SENP7: variants seen among roughly 807,000 people sequenced by gnomAD.
SENP7 encodes SUMO specific peptidase 7.
Under a neutral mutation model 141.2 loss-of-function variants are expected in SENP7, and 64 were observed. The observed-to-expected ratio is 0.45, with a 90% confidence interval of 0.37 to 0.56. The LOEUF (loss-of-function observed/expected upper bound fraction) is 0.56. Among genes scored for constraint, SENP7 ranks in the 20% least tolerant of loss-of-function variants. The pLI, the probability that SENP7 is intolerant of heterozygous loss-of-function variation, is 0.00. For synonymous variants in SENP7, 382 were observed against 426.4 expected (o/e 0.90, Z 1.28); for missense variants, 1,025 against 1,212.2 (o/e 0.85, Z 2.29).
In SENP7 at chr3:101,334,414, GA is replaced by G. The variant is rs35104502; in HGVS notation, c.2481-1553del. Among the ~76,000 whole-genome samples the G allele has an allele frequency of 2.1e-3, 313 of 146,452 alleles. 1 individual carries two copies. The highest frequency in any genetic ancestry group is 6.6e-3 in the African/African-American group (263 of 40,072). ...CCCTTGGATGGAACTCTTATTGCAGGAAAAAAAAAAGGCAAACCATTACATT... is the reference window on the plus strand; with the variant it reads ...CCCTTGGATGGAACTCTTATTGCAGGAAAAAAAAAGGCAAACCATTACATT... On this transcript the variant is annotated intron_variant, in intron 17 of 23. Transcript: ENST00000394095.
chr3:101,500,905 G>A (rs539445631), intron 2 of SENP7, among the ~76,000 whole-genome samples, 165 bp downstream of exon 2: 2 of 152,276 alleles, frequency 1.3e-5, no homozygotes, highest in Admixed American at 1.3e-4. Context: ...TGGTAGAAAA[G>A]TCTCCTGGTT....
At chr3:101,505,946 ACT>A (rs1040281855) in intron 1 of SENP7, among the ~76,000 whole-genome samples, 1 of 151,254 alleles carries the variant, frequency 6.6e-6, no homozygotes, top group Admixed American at 6.6e-5. Context: ...CTCTCCAATT[ACT>A]CTCATTCTAA....
intron 6 of SENP7, among the ~76,000 whole-genome samples, chr3:101,391,588 A>G (rs2060817511): frequency 2.6e-5 from 4 of 152,194 alleles, no homozygotes; most frequent in Admixed American, 2.6e-4. Context: ...AGATCAAAGC[A>G]GTAATAAAAG....
At chr3:101,410,594 C>T (rs932227078) in intron 5 of SENP7, among the ~76,000 whole-genome samples, 1 of 152,166 alleles carries the variant, frequency 6.6e-6, no homozygotes, top group Admixed American at 6.5e-5. Context: ...CGCCTGTAAT[C>T]CCAGCACTTT....
chr3:101,414,542 G>C, intron 5 of SENP7: 1 of 1,601,904 alleles, frequency 6.2e-7, no homozygotes, highest in Admixed American at 1.7e-5. Context: ...CAGCTGGACG[G>C]TTGTGTGACC....
chr3:101,499,461 C>A (rs902536710), intron 2 of SENP7, among the ~76,000 whole-genome samples: 5 of 152,014 alleles, frequency 3.3e-5, no homozygotes, highest in Admixed American at 6.5e-5. Context: ...CTCTGCCTCC[C>A]GGGTTCAAGC....
chr3:101,481,204 T>C (rs2064462920), intron 3 of SENP7, among the ~76,000 whole-genome samples: 1 of 152,150 alleles, frequency 6.6e-6, no homozygotes, highest in Non-Finnish European at 1.5e-5. Flanking sequence ...ACTGCAGCAC[T>C]ACTCACAACA....
At chr3:101,483,383 G>A (rs2064583124) in intron 3 of SENP7, among the ~76,000 whole-genome samples, 1 of 152,116 alleles carries the variant, frequency 6.6e-6, no homozygotes, top group Non-Finnish European at 1.5e-5. Flanking sequence ...CCATCTTTAT[G>A]TCCATGAGCA....
chr3:101,473,311 T>A (rs9852199), intron 3 of SENP7, among the ~76,000 whole-genome samples: 60,372 of 152,046 alleles, frequency 0.4, 12,504 homozygotes, highest in Admixed American at 0.54. Context: ...AATGGCCACA[T>A]TGTCTTCCAC....
chr3:101,474,496 A>G (rs1194189446), intron 3 of SENP7, among the ~76,000 whole-genome samples: 1 of 152,100 alleles, frequency 6.6e-6, no homozygotes, highest in African/African-American at 2.4e-5. Flanking sequence ...TTGTTGGTAT[A>G]TAGGAGTGCT....
At chr3:101,391,993 A>G (rs1418488496) in intron 6 of SENP7, among the ~76,000 whole-genome samples, 1 of 152,212 alleles carries the variant, frequency 6.6e-6, no homozygotes, top group East Asian at 1.9e-4. Flanking sequence ...ACAGATGCAA[A>G]AAAAGCATTT....
In SENP7 at chr3:101,367,996, C is replaced by A. The variant is rs2060082678; in HGVS notation, c.812G>T (p.Ser271Ile). 6.2e-7 allele frequency: 1 copy of A among 1,610,614 alleles called. No homozygotes were observed. The highest frequency in any genetic ancestry group is 8.5e-7 in the Non-Finnish European group (1 of 1,178,628). The stretch of plus-strand genomic sequence containing the variant: ...CTGTTCGAGATGATCACAACCTCTA[C>A]TTCCACTGTTAAGGTCTTAAAAAAC... ...DTQPEDLNSG[S>I]RGCDHLEQES... is the part of the protein sequence containing the mutation. Residue 271 changes from serine to isoleucine, a missense_variant, in exon 8 of 24, where the codon AGT becomes ATT. Transcript: ENST00000394095.
intron 11 of SENP7, among the ~76,000 whole-genome samples, chr3:101,360,104 G>T (rs1268026223): frequency 6.6e-6 from 1 of 152,058 alleles, no homozygotes; most frequent in Admixed American, 6.6e-5. Context: ...CCTGAAAAAT[G>T]AATAAAATTC....
At chr3:101,415,296 G>A (rs1391438672) in intron 5 of SENP7, among the ~76,000 whole-genome samples, 1 of 152,178 alleles carries the variant, frequency 6.6e-6, no homozygotes, top group Non-Finnish European at 1.5e-5. Flanking sequence ...ATTACATGCT[G>A]CATCTTTCAG....
At chr3:101,458,909 C>T in intron 4 of SENP7, 46 bp downstream of exon 4, 1 of 1,146,086 alleles carries the variant, frequency 8.7e-7, no homozygotes, top group South Asian at 1.4e-5. Context: ...TTATGGTCAA[C>T]TTTATAGGTT....
At chr3:101,500,151 T>A (rs1394674952) in intron 2 of SENP7, among the ~76,000 whole-genome samples, 2 of 152,242 alleles carry the variant, frequency 1.3e-5, no homozygotes, top group Non-Finnish European at 2.9e-5. Flanking sequence ...ACGTATCATA[T>A]TAAAGTTCTC....
At chr3:101,344,166 CTAAAA>C (rs540338359) in intron 13 of SENP7, among the ~76,000 whole-genome samples, 146 of 152,268 alleles carry the variant, frequency 9.6e-4, no homozygotes, top group Non-Finnish European at 1.8e-3. Flanking sequence ...TTCTACTGCA[CTAAAA>C]TGTCATAATA....
chr3:101,382,715 T>C (rs1027882906), intron 6 of SENP7, among the ~76,000 whole-genome samples: 1 of 152,192 alleles, frequency 6.6e-6, no homozygotes, highest in Non-Finnish European at 1.5e-5. Flanking sequence ...TGTTCAGGAA[T>C]TGATAGCTCA....
intron 6 of SENP7, among the ~76,000 whole-genome samples, chr3:101,391,944 CATATT>C (rs1309451585): frequency 6.6e-6 from 1 of 152,104 alleles, no homozygotes; most frequent in African/African-American, 2.4e-5. Context: ...TGTGATACCT[CATATT>C]AGAACGAAGG....
Sources: gnomAD v4.1 joint callset for allele counts (sites outside exome capture counted in the v4.1 genomes callset) on GRCh38, gnomAD v4.1.1 for gene constraint, MANE v1.5 for transcripts, NCBI Gene and HGNC (gene_info 2026-07-23, HGNC 2026-07-21) for gene names.